The following OXSR1 variants were observed in gnomAD, a reference collection of about 807,000 sequenced individuals.
OXSR1 encodes the protein oxidative stress responsive kinase 1, also known as serine/threonine-protein kinase OSR1.
In OXSR1, 24 loss-of-function variants were observed where a neutral mutation model predicts 79.8. The observed-to-expected ratio is 0.30, with a 90% confidence interval of 0.22 to 0.42. The LOEUF (loss-of-function observed/expected upper bound fraction) is 0.42, where lower values mean the gene tolerates loss of function less well. Among genes scored for constraint, OXSR1 ranks in the 10% least tolerant of loss-of-function variants. The pLI is 1.00. For missense variants in OXSR1, 430 were observed against 618.4 expected (o/e 0.70, Z 3.23); for synonymous variants, 226 against 209.2 (o/e 1.08, Z -0.69).
chr3:38,167,957 C>CT (rs1268613195), intron 1 of OXSR1, among the ~76,000 whole-genome samples: 2 of 148,868 alleles, frequency 1.3e-5, no homozygotes, highest in African/African-American at 5.0e-5. Flanking sequence ...TGTAGTCATT[C>CT]TCAAAGCCTT....
At chr3:38,181,764 G>C (rs530582007) in intron 1 of OXSR1, among the ~76,000 whole-genome samples, 1 of 151,576 alleles carries the variant, frequency 6.6e-6, no homozygotes, top group Non-Finnish European at 1.5e-5. Flanking sequence ...CAGTACGATC[G>C]TGTGGTCATC....
chr3:38,251,535 A>T, intron 16 of OXSR1, 64 bp downstream of exon 16: 1 of 1,344,114 alleles, frequency 7.4e-7, no homozygotes, highest in South Asian at 1.2e-5. Flanking sequence ...GTACATAGAA[A>T]AGCAGGTTTT....
intron 5 of OXSR1, among the ~76,000 whole-genome samples, chr3:38,217,985 G>A (rs534447059): frequency 2.0e-5 from 3 of 151,814 alleles, no homozygotes; most frequent in Non-Finnish European, 4.4e-5. Context: ...TTGTATTTAC[G>A]TGCTGCATTT....
At chr3:38,232,509 CT>C (rs535587553) in intron 10 of OXSR1, among the ~76,000 whole-genome samples, 34 of 152,172 alleles carry the variant, frequency 2.2e-4, no homozygotes, top group Non-Finnish European at 4.1e-4. Context: ...AATCCCAGCA[CT>C]TTGGGAGGCT....
rs1703059811 is a variant in OXSR1, at chr3:38,242,744, C to G, written c.1076C>G (p.Ser359Cys). ...TCATCCTTTTTGTATTTCGTTTAGT[C>G]TCCCCGAGTGAAAGAATCAATATCA... Reference protein sequence around the residue: ...EGKAAISQLRSPRVKESISNS... With the variant: ...EGKAAISQLRCPRVKESISNS... The change falls in exon 12 of 18, where the codon TCT becomes TGT. Residue 359 changes from serine to cysteine, a missense_variant and splice_region_variant. Physicochemically the swap from Ser to Cys is moderately radical, Grantham distance 112. This residue lies in a region of OXSR1 where 276 missense variants were observed against 354.2 expected (regional missense o/e 0.78). Coordinates refer to ENST00000311806, the MANE Select transcript of OXSR1 (RefSeq NM_005109.3). The G allele has an allele frequency of 6.4e-7, 1 of 1,558,362 alleles. No homozygotes were observed. The highest frequency in any genetic ancestry group is 1.2e-5 in the South Asian group (1 of 86,718).
intron 12 of OXSR1, among the ~76,000 whole-genome samples, chr3:38,244,418 G>A (rs1703094484): frequency 6.6e-6 from 1 of 151,920 alleles, no homozygotes; most frequent in Non-Finnish European, 1.5e-5. Context: ...CTAAAACTCT[G>A]GCTATTAAAC....
At chr3:38,245,837 A>T (rs995189408) in intron 12 of OXSR1, among the ~76,000 whole-genome samples, 1 of 152,212 alleles carries the variant, frequency 6.6e-6, no homozygotes, top group Non-Finnish European at 1.5e-5. Context: ...CAAATTGTAC[A>T]GTTACAGTGG....
chr3:38,184,846 T>C (rs1701849550), intron 2 of OXSR1, among the ~76,000 whole-genome samples: 1 of 145,856 alleles, frequency 6.9e-6, no homozygotes, highest in Non-Finnish European at 1.5e-5. Context: ...TATTGTCTGC[T>C]TAGTATAGTA....
intron 11 of OXSR1, among the ~76,000 whole-genome samples, chr3:38,238,290 T>C (rs1351513359): frequency 6.6e-6 from 1 of 152,112 alleles, no homozygotes; most frequent in African/African-American, 2.4e-5. Context: ...GAAAATAATA[T>C]ACCATGACCA....
chr3:38,175,465 A>C (rs767836785), intron 1 of OXSR1, among the ~76,000 whole-genome samples: 1 of 151,920 alleles, frequency 6.6e-6, no homozygotes, highest in Non-Finnish European at 1.5e-5. Context: ...ACACCCGGCT[A>C]ATTTTTGTAT....
chr3:38,252,868 T>A lies in OXSR1; in HGVS notation c.1561T>A (p.Phe521Ile), dbSNP rs1268072416. ...TCCTGATGATGGTAAACTGATAGGA[T>A]TTGCCCAGCTCAGCATCAGCTAAAC... is the stretch of plus-strand genomic sequence containing the variant. Reference protein sequence around the residue: ...DIPDDGKLIGFAQLSIS With the variant: ...DIPDDGKLIGIAQLSIS The change falls in exon 18 of 18, where the codon TTT becomes ATT. Residue 521 changes from phenylalanine (F) to isoleucine (I), a missense_variant. Physicochemically the swap from Phe to Ile is conservative, Grantham distance 21. Coordinates refer to ENST00000311806, the MANE Select transcript of OXSR1 (RefSeq NM_005109.3). 1.2e-6 allele frequency: 2 copies of A among 1,613,738 alleles called. No individual in the cohort carries two copies. The highest frequency in any genetic ancestry group is 1.7e-6 in the Non-Finnish European group (2 of 1,179,736).
chr3:38,230,677 CTGTT>C (rs1399272466), intron 10 of OXSR1: 11 of 368,112 alleles, frequency 3.0e-5, no homozygotes, highest in Admixed American at 1.4e-4. Context: ...ATTCTAAACT[CTGTT>C]TGATAACTGT....
Position 38,247,662 on chromosome 3 carries a change from T to C in OXSR1, c.1258-6T>C. 3 of 1,608,530 alleles carry C rather than the reference T, an allele frequency of 1.9e-6. No homozygotes were observed. Among genetic ancestry groups the C allele is most frequent in the Non-Finnish European group, 2.6e-6 (3 of 1,175,124 alleles). On this transcript the variant is annotated splice_region_variant and splice_polypyrimidine_tract_variant and intron_variant, in intron 13 of 17. Transcript: ENST00000311806. ...CAATGACTGTATACCTTTCAATGCTTTTTAGGCTTTGTCTTCAGGATCAGG... is the reference window on the plus strand; with the variant it reads ...CAATGACTGTATACCTTTCAATGCTCTTTAGGCTTTGTCTTCAGGATCAGG...
At chr3:38,244,666 T>C (rs56387729) in intron 12 of OXSR1, among the ~76,000 whole-genome samples, 144 of 144,062 alleles carry the variant, frequency 1.0e-3, no homozygotes, top group African/African-American at 2.7e-3. Context: ...TGTGTGTGTG[T>C]GCGTGCGCAT....
chr3:38,188,342 A>T (rs1407756709), intron 2 of OXSR1, among the ~76,000 whole-genome samples: 1 of 152,114 alleles, frequency 6.6e-6, no homozygotes, highest in Non-Finnish European at 1.5e-5. Flanking sequence ...TTTCATTCAT[A>T]CTGTCACTAA....
At chr3:38,190,497 G>T (rs1222828181) in intron 2 of OXSR1, among the ~76,000 whole-genome samples, 3 of 152,148 alleles carry the variant, frequency 2.0e-5, no homozygotes, top group Admixed American at 1.3e-4. Flanking sequence ...GTGTTAAATA[G>T]TGTGCTTCTA....
chr3:38,216,190 A>C (rs1702479781), intron 5 of OXSR1, 39 bp downstream of exon 5: 1 of 1,202,508 alleles, frequency 8.3e-7, no homozygotes, highest in African/African-American at 1.5e-5. Context: ...TTTAATGGTC[A>C]GTAGAACCAC....
chr3:38,207,803 G>A (rs1702295563), intron 4 of OXSR1, among the ~76,000 whole-genome samples: 2 of 152,100 alleles, frequency 1.3e-5, no homozygotes, highest in South Asian at 4.1e-4. Flanking sequence ...GCTGTGAAAT[G>A]TTGCCTTTCT....
At chr3:38,167,256 A>G (rs186703360) in intron 1 of OXSR1, among the ~76,000 whole-genome samples, 8 of 152,364 alleles carry the variant, frequency 5.3e-5, no homozygotes, top group Non-Finnish European at 1.0e-4. Flanking sequence ...CAAAACTTGC[A>G]CATAGATTGT....
Sources: allele counts gnomAD v4.1 joint callset (sites outside exome capture counted in the v4.1 genomes callset), GRCh38; gene constraint gnomAD v4.1.1; regional missense constraint gnomAD v4.1.1; transcripts MANE v1.5; gene names NCBI Gene and HGNC (gene_info 2026-07-23, HGNC 2026-07-21).